CHST9: variants seen among roughly 807,000 people sequenced by gnomAD.
The protein encoded by CHST9 is GalNAc-4-sulfotransferase 2.
A neutral mutation model predicts 44.4 loss-of-function variants in CHST9; 41 were observed. The ratio of observed to expected loss-of-function variants is 0.92; its 90% CI spans 0.72 to 1.20. The LOEUF (loss-of-function observed/expected upper bound fraction) is 1.20. Ranked by LOEUF, CHST9 falls within the 50% of genes most tolerant of loss-of-function variation. The pLI is 0.00. For missense variants in CHST9, 504 were observed against 516.5 expected, an observed-to-expected ratio of 0.98 and a Z score of 0.23; for synonymous variants, 171 against 178.4, an observed-to-expected ratio of 0.96 and a Z score of 0.33.
chr18:27,077,112 T>C (rs1262851310), intron 2 of CHST9, among the ~76,000 whole-genome samples: 3 of 152,260 alleles, frequency 2.0e-5, no homozygotes, highest in Non-Finnish European at 4.4e-5. Context: ...ATAGAGTTTA[T>C]TGACTCTGTG....
intron 5 of CHST9, among the ~76,000 whole-genome samples, chr18:26,918,911 G>A (rs1304504167): frequency 6.6e-6 from 1 of 152,076 alleles, no homozygotes; most frequent in Non-Finnish European, 1.5e-5. Context: ...CCGAGACTGG[G>A]TAATTTATAA....
chr18:27,121,649 C>T (rs1305951750), intron 2 of CHST9, among the ~76,000 whole-genome samples: 1 of 152,144 alleles, frequency 6.6e-6, no homozygotes, highest in Non-Finnish European at 1.5e-5. Flanking sequence ...CAGTGGGTAT[C>T]TTTGATGTCA....
At chr18:26,962,330 G>A (rs796972618) in intron 4 of CHST9, among the ~76,000 whole-genome samples, 4 of 143,296 alleles carry the variant, frequency 2.8e-5, no homozygotes, top group South Asian at 2.2e-4. Flanking sequence ...TGGCTCTGTC[G>A]CCCAGGCTGG....
intron 3 of CHST9, among the ~76,000 whole-genome samples, chr18:27,030,615 G>A (rs1424481421): frequency 1.3e-5 from 2 of 152,198 alleles, no homozygotes; most frequent in African/African-American, 4.8e-5. Context: ...GCCGGCTGCC[G>A]GGTGTGCTTG....
intron 2 of CHST9, among the ~76,000 whole-genome samples, chr18:27,072,569 GACACTCTGCCTT>G (rs2143650987): frequency 6.6e-6 from 1 of 152,226 alleles, no homozygotes; most frequent in South Asian, 2.1e-4. Context: ...TAACTAAGTT[GACACTCTGCCTT>G]ACACAGAGAC....
At chr18:27,136,614 A>G (rs1241178723) in intron 2 of CHST9, among the ~76,000 whole-genome samples, 1 of 152,120 alleles carries the variant, frequency 6.6e-6, no homozygotes, top group African/African-American at 2.4e-5. Flanking sequence ...CCTATCTCAG[A>G]CTTGTTGTGG....
At chr18:27,168,045 G>A (rs1382450837) in intron 1 of CHST9, among the ~76,000 whole-genome samples, 24 of 151,582 alleles carry the variant, frequency 1.6e-4, no homozygotes, top group Admixed American at 1.6e-3. Flanking sequence ...GCATTGAATG[G>A]TTATAATCAG....
At chr18:27,165,733 A>ATTTT (rs967782418) in intron 1 of CHST9, among the ~76,000 whole-genome samples, 1 of 152,150 alleles carries the variant, frequency 6.6e-6, no homozygotes, top group Non-Finnish European at 1.5e-5. Context: ...AAAGGAGCTA[A>ATTTT]TTTTTTATTA....
intron 4 of CHST9, among the ~76,000 whole-genome samples, chr18:27,018,266 C>T (rs1202062630): frequency 6.6e-6 from 1 of 152,204 alleles, no homozygotes; most frequent in African/African-American, 2.4e-5. Context: ...CTTTAGATTA[C>T]TCCGAACCTC....
chr18:27,161,320 T>C (rs1227200089), intron 1 of CHST9, among the ~76,000 whole-genome samples: 1 of 152,236 alleles, frequency 6.6e-6, no homozygotes, highest in African/African-American at 2.4e-5. Flanking sequence ...GTCTTTGTTC[T>C]TGTTTGTTTC....
chr18:27,076,845 C>G (rs896165929), intron 2 of CHST9, among the ~76,000 whole-genome samples: 1 of 152,036 alleles, frequency 6.6e-6, no homozygotes, highest in South Asian at 2.1e-4. Context: ...GAAAAGGAGA[C>G]GAGGCTACAT....
At chr18:27,002,787 C>T (rs2056969019) in intron 4 of CHST9, among the ~76,000 whole-genome samples, 1 of 152,048 alleles carries the variant, frequency 6.6e-6, no homozygotes, top group South Asian at 2.1e-4. Context: ...ATTCTATCTT[C>T]CTAGGAAAAA....
intron 3 of CHST9, among the ~76,000 whole-genome samples, chr18:27,024,926 A>T (rs561650869): frequency 6.6e-6 from 1 of 151,930 alleles, no homozygotes; most frequent in African/African-American, 2.4e-5. Flanking sequence ...CTAGTCACCT[A>T]TGGGGAGAGA....
chr18:27,034,312 T>C (rs532478927), intron 3 of CHST9, among the ~76,000 whole-genome samples: 12 of 152,272 alleles, frequency 7.9e-5, no homozygotes, highest in African/African-American at 2.9e-4. Flanking sequence ...TCTAAAATCC[T>C]TCCTAAATCT....
At chr18:26,967,039 C>T (rs1277516781) in intron 4 of CHST9, among the ~76,000 whole-genome samples, 1 of 151,944 alleles carries the variant, frequency 6.6e-6, no homozygotes. Context: ...GGGGATGGGT[C>T]AAAAGGAGAG....
At chr18:26,930,084 C>T (rs983568023) in intron 5 of CHST9, among the ~76,000 whole-genome samples, 4 of 152,174 alleles carry the variant, frequency 2.6e-5, no homozygotes, top group African/African-American at 4.8e-5. Flanking sequence ...GTGAAACACA[C>T]GCCCCTCTGG....
At chr18:27,096,855 A>G (rs1024678755) in intron 2 of CHST9, among the ~76,000 whole-genome samples, 10 of 152,072 alleles carry the variant, frequency 6.6e-5, no homozygotes, top group African/African-American at 2.2e-4. Context: ...CAGATGTACA[A>G]AGAGCTGGTA....
intron 2 of CHST9, among the ~76,000 whole-genome samples, chr18:27,121,927 T>C (rs2058377776): frequency 6.6e-6 from 1 of 152,204 alleles, no homozygotes; most frequent in Non-Finnish European, 1.5e-5. Flanking sequence ...AAACCCAGAG[T>C]TCTGTACAGT....
chr18:27,018,971 C>T (rs1157220076), intron 4 of CHST9, among the ~76,000 whole-genome samples: 2 of 152,334 alleles, frequency 1.3e-5, no homozygotes, highest in East Asian at 3.9e-4. Flanking sequence ...TTGTCTCATT[C>T]TCCGGAGAAA....
Sources: gnomAD v4.1 joint callset for allele counts (sites outside exome capture counted in the v4.1 genomes callset) on GRCh38, gnomAD v4.1.1 for gene constraint, MANE v1.5 for transcripts, NCBI Gene and HGNC (gene_info 2026-07-23, HGNC 2026-07-21) for gene names.